Variants in ARID1B observed in about 807,000 individuals in gnomAD.
ARID1B encodes the protein AT-rich interactive domain-containing protein 1B.
ARID1B carries 30 observed loss-of-function variants against 212.3 expected under a neutral mutation model. The observed-to-expected ratio is 0.14, with a 90% CI of 0.11 to 0.19. ARID1B has a LOEUF of 0.19. Among genes scored for constraint, ARID1B ranks in the 10% least tolerant of loss-of-function variants. ARID1B has a pLI of 1.00. For synonymous variants in ARID1B, 1,402 were observed against 1,301.7 expected, an observed-to-expected ratio of 1.08 and a Z score of -1.66; for missense variants, 2,891 against 3,204.0, an observed-to-expected ratio of 0.90 and a Z score of 2.36.
At chr6:157,034,009 G>A (rs1452577819) in intron 4 of ARID1B, among the ~76,000 whole-genome samples, 1 of 152,114 alleles carries the variant, frequency 6.6e-6, no homozygotes, top group Non-Finnish European at 1.5e-5. Flanking sequence ...TCTGTGTGGA[G>A]GAGGAGAACG....
intron 5 of ARID1B, among the ~76,000 whole-genome samples, chr6:157,091,439 A>G (rs1785276000): frequency 6.6e-6 from 1 of 152,200 alleles, no homozygotes; most frequent in Non-Finnish European, 1.5e-5. Context: ...GCAGATACAA[A>G]CAAGAAGATA....
At chr6:157,078,822 T>C (rs1371464232) in intron 4 of ARID1B, among the ~76,000 whole-genome samples, 2 of 152,246 alleles carry the variant, frequency 1.3e-5, no homozygotes, top group African/African-American at 2.4e-5. Context: ...ATCCTACAAA[T>C]GTCCCCCTTA....
rs773062339 is a variant in ARID1B at position 157,200,738 on chromosome 6, C to T, written c.4513C>T (p.Pro1505Ser). 3 of 1,612,542 alleles carry T rather than the reference C, an allele frequency of 1.9e-6. No individual in the cohort carries two copies. Among genetic ancestry groups the T allele is most frequent in the African/African-American group, 2.7e-5 (2 of 74,888 alleles). The change falls in exon 18 of 20, where the codon CCC (proline) becomes TCC (serine). Residue 1505 changes from proline (P) to serine (S), a missense_variant. Pro to Ser is a moderately conservative substitution (Grantham distance 74). Transcript: ENST00000636930. This position sits in a 1 kb window ranked among gnomAD's most constrained non-coding sequence, Gnocchi z 4.3. ...ACGCCATATGGACGGCATGTACGGG[C>T]CCCCAGCCAAGCGCCACGAGGGCGA... ...YKRHMDGMYG[P>S]PAKRHEGDMY...
chr6:156,904,139 T>C lies in ARID1B; in HGVS notation c.2136+2614T>C, dbSNP rs555555134. On this transcript the variant is annotated intron_variant, in intron 3 of 19. Transcript: ENST00000636930. The stretch of plus-strand genomic sequence containing the variant: ...CCATTTATAGTTTATTGTATGTTTT[T>C]CTAGAGTTTCTTTATATCAAGAAGC... Among the ~76,000 whole-genome samples, 22 of 152,324 alleles carry C rather than the reference T, an allele frequency of 1.4e-4. 1 individual carries two copies. Among genetic ancestry groups the C allele is most frequent in the African/African-American group, 5.3e-4 (22 of 41,578 alleles).
chr6:156,998,952 A>G (rs1356772625), intron 4 of ARID1B, among the ~76,000 whole-genome samples: 1 of 152,236 alleles, frequency 6.6e-6, no homozygotes, highest in Non-Finnish European at 1.5e-5. Flanking sequence ...GTGAGAACAC[A>G]TTCCAAGTTA....
At chr6:157,161,934 C>T (rs1790972545) in intron 8 of ARID1B, among the ~76,000 whole-genome samples, 2 of 152,170 alleles carry the variant, frequency 1.3e-5, no homozygotes, top group African/African-American at 4.8e-5. Context: ...GTGTGCACTG[C>T]GTGATGCTCA....
chr6:156,981,204 TGTGG>T (rs1307517492), intron 4 of ARID1B, among the ~76,000 whole-genome samples: 9 of 152,224 alleles, frequency 5.9e-5, no homozygotes, highest in Admixed American at 2.6e-4. Context: ...CCACATGACC[TGTGG>T]GCAGGATGGA....
chr6:156,794,830 C>T (rs1026159695), intron 1 of ARID1B, among the ~76,000 whole-genome samples: 1 of 152,138 alleles, frequency 6.6e-6, no homozygotes, highest in African/African-American at 2.4e-5. Context: ...ATCCACTCAC[C>T]TTGGTCTCCC....
intron 4 of ARID1B, among the ~76,000 whole-genome samples, chr6:157,010,289 T>TG (rs1779502949): frequency 6.9e-6 from 1 of 145,576 alleles, no homozygotes; most frequent in Non-Finnish European, 1.5e-5. Flanking sequence ...TTTTTTTTTT[T>TG]TTTTTTTTTT....
intron 3 of ARID1B, among the ~76,000 whole-genome samples, chr6:156,911,348 T>G (rs1183395403): frequency 1.3e-5 from 2 of 151,470 alleles, no homozygotes; most frequent in East Asian, 1.9e-4. Flanking sequence ...GTTTTTTTTT[T>G]TTTTTTTTTT....
At chr6:157,093,425 C>T (rs1785407429) in intron 5 of ARID1B, among the ~76,000 whole-genome samples, 2 of 152,206 alleles carry the variant, frequency 1.3e-5, no homozygotes, top group South Asian at 2.1e-4. Flanking sequence ...AGTTTCATCA[C>T]TTATTCTCAA....
chr6:156,869,336 C>T (rs1785943899), intron 2 of ARID1B, among the ~76,000 whole-genome samples: 1 of 152,110 alleles, frequency 6.6e-6, no homozygotes, highest in Non-Finnish European at 1.5e-5. Flanking sequence ...CTTCTGTTGC[C>T]TCAACATCTG....
chr6:156,902,677 C>T (rs1789043204), intron 3 of ARID1B, among the ~76,000 whole-genome samples: 1 of 138,526 alleles, frequency 7.2e-6, no homozygotes, highest in Non-Finnish European at 1.5e-5. Flanking sequence ...GCGGAGGTTG[C>T]AGTGAGCGGA....
At chr6:156,876,509 G>A (rs765989015) in intron 2 of ARID1B, among the ~76,000 whole-genome samples, 5 of 152,190 alleles carry the variant, frequency 3.3e-5, no homozygotes, top group African/African-American at 9.7e-5. Flanking sequence ...TCCCAGTTCC[G>A]AGTATACTCA....
chr6:156,883,438 C>T (rs1787257980), intron 2 of ARID1B, among the ~76,000 whole-genome samples: 4 of 152,200 alleles, frequency 2.6e-5, no homozygotes, highest in African/African-American at 9.6e-5. Context: ...TACTTTTCTT[C>T]TTTGGGGATC....
chr6:156,850,630 A>T (rs894099372), intron 2 of ARID1B, among the ~76,000 whole-genome samples: 1 of 152,212 alleles, frequency 6.6e-6, no homozygotes, highest in Non-Finnish European at 1.5e-5. Context: ...TTTAATGTAT[A>T]GGCAGTTTAA....
At chr6:156,867,000 G>C (rs9372022) in intron 2 of ARID1B, among the ~76,000 whole-genome samples, 1 of 152,062 alleles carries the variant, frequency 6.6e-6, no homozygotes, top group Non-Finnish European at 1.5e-5. Flanking sequence ...TACATGAATA[G>C]CTCCCTTTAA....
intron 4 of ARID1B, chr6:156,977,080 A>G (rs539120533): frequency 1.1e-5 from 3 of 280,988 alleles, no homozygotes; most frequent in East Asian, 1.0e-4. Context: ...TAGGGATGTA[A>G]TACATATTTA....
At chr6:157,085,704 TA>T (rs201399506) in intron 5 of ARID1B, among the ~76,000 whole-genome samples, 1,887 of 145,382 alleles carry the variant, frequency 0.013, 32 homozygotes, top group East Asian at 0.05. Context: ...TCTTTTATAT[TA>T]AAAAAAAAAA....
Sources: gnomAD v4.1 joint callset for allele counts (sites outside exome capture counted in the v4.1 genomes callset) on GRCh38, gnomAD v4.1.1 for gene constraint, Gnocchi (gnomAD v3.1) non-coding constraint, MANE v1.5 for transcripts, NCBI Gene and HGNC (gene_info 2026-07-23, HGNC 2026-07-21) for gene names.